Variants in PRR5 observed in about 807,000 individuals in gnomAD.
PRR5 encodes proline-rich protein 5.
PRR5 carries 25 observed loss-of-function variants against 30.6 expected under a neutral mutation model. The ratio of observed to expected loss-of-function variants is 0.82; its 90% CI spans 0.60 to 1.14. PRR5 has a LOEUF of 1.14. Among genes scored for constraint, PRR5 ranks in the 50% most tolerant of loss-of-function variants. PRR5 has a pLI of 0.00. For synonymous variants in PRR5, 286 were observed against 247.1 expected (o/e 1.16, Z -1.48); for missense variants, 600 against 547.1 (o/e 1.10, Z -0.96).
chr22:44,728,239 T>G (rs1921227554), intron 4 of PRR5, among the ~76,000 whole-genome samples: 1 of 152,228 alleles, frequency 6.6e-6, no homozygotes, highest in Non-Finnish European at 1.5e-5. Flanking sequence ...CACTGGGCTC[T>G]ACGCTGGGAG....
At chr22:44,724,191 T>A (rs1930343272) in intron 2 of PRR5, among the ~76,000 whole-genome samples, 1 of 152,148 alleles carries the variant, frequency 6.6e-6, no homozygotes, top group African/African-American at 2.4e-5. Flanking sequence ...ATCCCAACAC[T>A]TTGGGAGGCC....
intron 1 of PRR5, among the ~76,000 whole-genome samples, chr22:44,684,533 C>T (rs1197479041): frequency 3.3e-5 from 5 of 152,120 alleles, no homozygotes; most frequent in Non-Finnish European, 2.9e-5. Flanking sequence ...GGCAACAGAG[C>T]GAGACTCAAA....
chr22:44,721,787 A>G (rs1020543172), intron 2 of PRR5, among the ~76,000 whole-genome samples: 2 of 152,196 alleles, frequency 1.3e-5, no homozygotes, highest in South Asian at 2.1e-4. Flanking sequence ...CCAGAGTCAC[A>G]TGGCGTGCTA....
intron 1 of PRR5, among the ~76,000 whole-genome samples, chr22:44,690,014 G>A (rs1925103887): frequency 6.6e-6 from 1 of 152,192 alleles, no homozygotes; most frequent in Non-Finnish European, 1.5e-5. Context: ...TGGTTTTGTG[G>A]TCCAGAGGGA....
In PRR5 at chr22:44,715,056, A is replaced by G. The variant is rs564895155; in HGVS notation, c.215+385A>G. ...TTAAAGAGGAAGGACCCACCTGCCT[A>G]ACGACGGGAGTGTTATTCCCGGAAA... On this transcript the variant is annotated intron_variant, in intron 2 of 7. Transcript: ENST00000336985. Among the ~76,000 whole-genome samples, 9 of 152,368 alleles carry G rather than the reference A, an allele frequency of 5.9e-5. No homozygotes were observed. In the South Asian group the frequency reaches 1.7e-3, roughly 28 times the overall value.
intron 1 of PRR5, among the ~76,000 whole-genome samples, chr22:44,707,598 G>A (rs1927432261): frequency 6.6e-6 from 1 of 152,224 alleles, no homozygotes; most frequent in Non-Finnish European, 1.5e-5. Context: ...CCCAAAAGAT[G>A]CCCCAGACCC....
intron 1 of PRR5, among the ~76,000 whole-genome samples, chr22:44,714,050 A>G (rs988311962): frequency 2.6e-5 from 4 of 151,050 alleles, no homozygotes; most frequent in Admixed American, 2.0e-4. Context: ...TGGTCCACCC[A>G]CCTTGGCCTC....
In PRR5 at chr22:44,725,613, G is replaced by T. The variant is rs1353129545; in HGVS notation, c.264+321G>T. Among the ~76,000 whole-genome samples the T allele has an allele frequency of 2.6e-5, 4 of 152,178 alleles. No individual in the cohort carries two copies. The East Asian group carries it at 7.7e-4, about 29-fold the overall frequency. On this transcript the variant is annotated intron_variant, in intron 3 of 7. Coordinates refer to ENST00000336985, the MANE Select transcript of PRR5 (RefSeq NM_181333.4). The stretch of plus-strand genomic sequence containing the variant: ...AGCCTCCTGATTAGCTGGGATTACA[G>T]GTGCCCACCATCACGCCTGGCTAAT...
chr22:44,733,679 A>C (rs991893085), intron 6 of PRR5, among the ~76,000 whole-genome samples: 6 of 152,148 alleles, frequency 3.9e-5, no homozygotes, highest in African/African-American at 1.2e-4. Flanking sequence ...GGACTTGGTC[A>C]TTCACAACCA....
At chr22:44,683,040 TG>T (rs1386111868) in intron 1 of PRR5, among the ~76,000 whole-genome samples, 1 of 152,202 alleles carries the variant, frequency 6.6e-6, no homozygotes, top group Non-Finnish European at 1.5e-5. Context: ...GGTGAGCATG[TG>T]GACATGAACT....
intron 1 of PRR5, among the ~76,000 whole-genome samples, chr22:44,692,736 C>CCCGGGA (rs1206019216): frequency 6.6e-6 from 1 of 152,240 alleles, no homozygotes; most frequent in Admixed American, 6.5e-5. Context: ...GGGAGTGCAG[C>CCCGGGA]CCGGGAGTCC....
chr22:44,736,733 G>T (rs1000069395), intron 7 of PRR5, 39 bp from the exon 8 acceptor site: 1 of 1,515,836 alleles, frequency 6.6e-7, no homozygotes, highest in African/African-American at 1.4e-5. Context: ...CGGGGACCCA[G>T]GTGGCCTCTG....
At position 44,737,577 on chromosome 22, in the gene PRR5, T is replaced by C. The variant is rs371486832; in HGVS notation, c.*330T>C. On this transcript the variant is annotated 3_prime_UTR_variant, in exon 8 of 8. Transcript: ENST00000336985. ...CAGAGAATGTAAACCCAGTGGGCTC[T>C]GCCCACGCCGGGCCCCAAAGTGACC... 1.0e-3 allele frequency: 310 copies of C among 298,276 alleles called. 8 individuals are homozygous for C. In the South Asian group the frequency reaches 0.024, roughly 23 times the overall value. 18.5% of individuals were successfully genotyped at this position (298,276 alleles called of 1,614,324 possible).
chr22:44,676,587 C>T (rs1053963382), upstream of PRR5, among the ~76,000 whole-genome samples: 1 of 151,728 alleles, frequency 6.6e-6, no homozygotes, highest in Non-Finnish European at 1.5e-5. Context: ...ACTGGGCCAA[C>T]AGGCAGAGGG....
upstream of PRR5, among the ~76,000 whole-genome samples, chr22:44,675,107 G>A (rs1408332737): frequency 2.6e-5 from 4 of 151,032 alleles, no homozygotes; most frequent in Non-Finnish European, 5.9e-5. Context: ...AAAATTAGCC[G>A]GGCGTGGTGG....
intron 4 of PRR5, among the ~76,000 whole-genome samples, chr22:44,727,461 C>T (rs1216135186): frequency 1.3e-5 from 2 of 152,220 alleles, no homozygotes; most frequent in African/African-American, 4.8e-5. Flanking sequence ...GTGTGCGTCC[C>T]TCCGTGCTGG....
chr22:44,713,885 GCT>G (rs1928642407), intron 1 of PRR5, among the ~76,000 whole-genome samples: 1 of 152,166 alleles, frequency 6.6e-6, no homozygotes, highest in African/African-American at 2.4e-5. Flanking sequence ...CTCATCGCAA[GCT>G]CTGCCTCCCG....
At chr22:44,685,667 A>G (rs1323488259) in intron 1 of PRR5, among the ~76,000 whole-genome samples, 2 of 149,882 alleles carry the variant, frequency 1.3e-5, no homozygotes, top group Admixed American at 6.7e-5. Context: ...AGGCACACTC[A>G]CAGCCACCGT....
chr22:44,729,349 A>G (rs1921480722), intron 4 of PRR5: 11 of 985,006 alleles, frequency 1.1e-5, no homozygotes, highest in Non-Finnish European at 1.3e-5. Context: ...GGATAAAGAA[A>G]GGAAAGACGG....
Sources: gnomAD v4.1 joint callset for allele counts (sites outside exome capture counted in the v4.1 genomes callset) on GRCh38, gnomAD v4.1.1 for gene constraint, MANE v1.5 for transcripts, NCBI Gene and HGNC (gene_info 2026-07-23, HGNC 2026-07-21) for gene names.